GLRA3: variants seen among roughly 807,000 people sequenced by gnomAD.
GLRA3 encodes glycine receptor subunit alpha-3.
A neutral mutation model predicts 60.4 loss-of-function variants in GLRA3; 44 were observed. The ratio of observed to expected loss-of-function variants is 0.73; its 90% CI spans 0.57 to 0.94. The LOEUF (loss-of-function observed/expected upper bound fraction) is 0.94. Among genes scored for constraint, GLRA3 ranks in the 40% least tolerant of loss-of-function variants. GLRA3 has a pLI of 0.00. For missense variants in GLRA3, 508 were observed against 564.6 expected, an observed-to-expected ratio of 0.90 and a Z score of 1.02; for synonymous variants, 223 against 192.9, an observed-to-expected ratio of 1.16 and a Z score of -1.29.
intron 9 of GLRA3, among the ~76,000 whole-genome samples, chr4:174,646,481 C>G (rs1212475421): frequency 6.6e-6 from 1 of 152,056 alleles, no homozygotes; most frequent in Non-Finnish European, 1.5e-5. Flanking sequence ...GAATTGGAGT[C>G]GGCCTTTTTT....
intron 2 of GLRA3, among the ~76,000 whole-genome samples, chr4:174,773,436 T>C (rs948526106): frequency 1.3e-5 from 2 of 150,616 alleles, no homozygotes; most frequent in East Asian, 2.0e-4. Flanking sequence ...TGGGGAAAAA[T>C]TGTTCACTAG....
At chr4:174,808,711 T>G (rs955828433) in intron 1 of GLRA3, among the ~76,000 whole-genome samples, 2 of 151,982 alleles carry the variant, frequency 1.3e-5, no homozygotes, top group Non-Finnish European at 2.9e-5. Flanking sequence ...AGGTGGAAGA[T>G]GGTGATAGTG....
intron 1 of GLRA3, among the ~76,000 whole-genome samples, chr4:174,823,228 CA>C (rs1424701396): frequency 8.7e-6 from 1 of 114,870 alleles, no homozygotes. Context: ...AATAAAAAAA[CA>C]AAAAACTAAA....
intron 3 of GLRA3, among the ~76,000 whole-genome samples, chr4:174,729,016 G>A (rs901048624): frequency 1.2e-4 from 18 of 152,084 alleles, no homozygotes; most frequent in South Asian, 2.1e-4. Context: ...TGGCATCCTC[G>A]GGTACTCCCA....
intron 2 of GLRA3, among the ~76,000 whole-genome samples, chr4:174,785,768 C>G (rs973643807): frequency 6.6e-6 from 1 of 151,700 alleles, no homozygotes; most frequent in African/African-American, 2.4e-5. Context: ...ATCACAATTC[C>G]CATTCTTCTT....
At chr4:174,821,683 A>G (rs1740746466) in intron 1 of GLRA3, among the ~76,000 whole-genome samples, 1 of 152,154 alleles carries the variant, frequency 6.6e-6, no homozygotes, top group African/African-American at 2.4e-5. Flanking sequence ...TGAGAAATAT[A>G]CATTACATTA....
intron 3 of GLRA3, among the ~76,000 whole-genome samples, chr4:174,743,861 G>A (rs2111176231): frequency 6.6e-6 from 1 of 152,246 alleles, no homozygotes; most frequent in African/African-American, 2.4e-5. Flanking sequence ...ATGTATCTTA[G>A]AAGTGACAGC....
chr4:174,814,310 C>T (rs546411045), intron 1 of GLRA3, among the ~76,000 whole-genome samples: 6 of 152,076 alleles, frequency 3.9e-5, no homozygotes, highest in Admixed American at 6.6e-5. Context: ...CAGCAGGATG[C>T]GGAGCTGGAA....
intron 2 of GLRA3, among the ~76,000 whole-genome samples, chr4:174,785,936 G>GTTTTTTTTTTTT (rs752488665): frequency 9.7e-6 from 1 of 103,470 alleles, no homozygotes; most frequent in Non-Finnish European, 1.9e-5. Context: ...TGCCTGGCTA[G>GTTTTTTTTTTTT]TTTTTTTTTT....
chr4:174,765,742 C>G (rs546031933), intron 3 of GLRA3, among the ~76,000 whole-genome samples: 1 of 151,978 alleles, frequency 6.6e-6, no homozygotes, highest in African/African-American at 2.4e-5. Context: ...AAATGACATA[C>G]GTCTTCTCTG....
At chr4:174,666,320 T>A (rs1450662985) in intron 7 of GLRA3, among the ~76,000 whole-genome samples, 3 of 152,066 alleles carry the variant, frequency 2.0e-5, no homozygotes, top group African/African-American at 7.2e-5. Context: ...AGACAACGTA[T>A]GAAAAGAAAT....
chr4:174,704,658 G>C (rs72706182), intron 5 of GLRA3, among the ~76,000 whole-genome samples: 21,575 of 143,598 alleles, frequency 0.15, 4,729 homozygotes, highest in Middle Eastern at 0.24. Context: ...GTTCATAGCA[G>C]CATTACTCAC....
intron 3 of GLRA3, among the ~76,000 whole-genome samples, chr4:174,731,611 T>C (rs1736550667): frequency 6.6e-6 from 1 of 152,122 alleles, no homozygotes; most frequent in Non-Finnish European, 1.5e-5. Context: ...ACAAATTATT[T>C]AAAAAGCACA....
chr4:174,791,895 G>T (rs1292218147), intron 1 of GLRA3, among the ~76,000 whole-genome samples: 1 of 152,138 alleles, frequency 6.6e-6, no homozygotes, highest in Non-Finnish European at 1.5e-5. Context: ...AACTAATTCT[G>T]TAAAGTCTAC....
rs1736421595 is a variant in GLRA3, at chr4:174,728,671, G to T, written c.295C>A (p.Gln99Lys). The change falls in exon 4 of 10, where the codon CAG (glutamine) becomes AAG (lysine). Residue 99 changes from glutamine to lysine, a missense_variant. By Grantham distance (53) the Gln-to-Lys change is moderately conservative. Transcript: ENST00000274093. ...GCGAGGCGGGGATCATTCCATTTCT[G>T]ACGAAGAAAGATATTCACTCTGTAA... ...MDYRVNIFLR[Q>K]KWNDPRLAYS... is the part of the protein sequence containing the mutation. 1 of 1,598,732 alleles carries T rather than the reference G, an allele frequency of 6.3e-7. No individual in the cohort carries two copies. The highest frequency in any genetic ancestry group is 8.6e-7 in the Non-Finnish European group (1 of 1,167,288).
In GLRA3 at chr4:174,675,689, T is replaced by A. The variant is rs192368153; in HGVS notation, c.927+1389A>T. On this transcript the variant is annotated intron_variant, in intron 7 of 9. Transcript: ENST00000274093. ...TATAAACAGATTTATAATTTTCACA[T>A]GAAAAATATTTTAGAAAACACTAGT... 4.3e-4 allele frequency among the ~76,000 whole-genome samples: 66 copies of A among 152,294 alleles called. 2 individuals are homozygous for A. In the East Asian group the frequency reaches 0.011, roughly 26 times the overall value.
chr4:174,730,535 G>A (rs1205645856), intron 3 of GLRA3, among the ~76,000 whole-genome samples: 2 of 152,268 alleles, frequency 1.3e-5, no homozygotes. Context: ...ACTCTCTGTA[G>A]CTGTTCACCA....
intron 1 of GLRA3, among the ~76,000 whole-genome samples, chr4:174,815,460 C>T (rs1191769628): frequency 6.6e-6 from 1 of 152,210 alleles, no homozygotes; most frequent in African/African-American, 2.4e-5. Flanking sequence ...TTCACATTTC[C>T]CTTCTGCACT....
chr4:174,677,362 T>C, intron 6 of GLRA3, 70 bp from the exon 7 acceptor site: 1 of 889,562 alleles, frequency 1.1e-6, no homozygotes, highest in Non-Finnish European at 1.8e-6. Flanking sequence ...AATATCACAA[T>C]TTCTCTTTTT....
Sources: gnomAD v4.1 joint callset for allele counts (sites outside exome capture counted in the v4.1 genomes callset) on GRCh38, gnomAD v4.1.1 for gene constraint, MANE v1.5 for transcripts, NCBI Gene and HGNC (gene_info 2026-07-23, HGNC 2026-07-21) for gene names.